LONP2: variants seen among roughly 807,000 people sequenced by gnomAD.
LONP2 encodes lon peptidase 2, peroxisomal, also known as lon protease homolog 2, peroxisomal.
Under a neutral mutation model 85.6 loss-of-function variants are expected in LONP2, and 60 were observed. The observed-to-expected ratio is 0.70, with a 90% CI of 0.57 to 0.87. The LOEUF is 0.87. Ranked by LOEUF, LONP2 falls within the 40% of genes least tolerant of loss-of-function variation. The pLI is 0.00. For synonymous variants in LONP2, 395 were observed against 389.7 expected, an observed-to-expected ratio of 1.01 and a Z score of -0.16; for missense variants, 860 against 1,063.5, an observed-to-expected ratio of 0.81 and a Z score of 2.66.
intron 11 of LONP2, among the ~76,000 whole-genome samples, chr16:48,327,289 A>G (rs1204618976): frequency 6.6e-6 from 1 of 152,234 alleles, no homozygotes; most frequent in Non-Finnish European, 1.5e-5. Context: ...TGCATAGATT[A>G]AATCAACTAG....
chr16:48,300,689 C>CT (rs11392934), intron 10 of LONP2, among the ~76,000 whole-genome samples: 26,864 of 152,162 alleles, frequency 0.18, 2,661 homozygotes, highest in Middle Eastern at 0.28. Context: ...AGCAGTAAGA[C>CT]TAAGTCTTAC....
intron 11 of LONP2, among the ~76,000 whole-genome samples, chr16:48,318,407 T>C (rs1028430576): frequency 7.9e-5 from 12 of 151,922 alleles, no homozygotes; most frequent in African/African-American, 2.7e-4. Context: ...TAGTCCCAGC[T>C]ACTTGGGAGG....
At chr16:48,323,244 A>G (rs1973302935) in intron 11 of LONP2, among the ~76,000 whole-genome samples, 1 of 152,240 alleles carries the variant, frequency 6.6e-6, no homozygotes, top group South Asian at 2.1e-4. Context: ...TAGTAAATGG[A>G]CATGAAAAGG....
chr16:48,268,778 G>A (rs1288859106), intron 6 of LONP2, among the ~76,000 whole-genome samples: 6 of 152,192 alleles, frequency 3.9e-5, no homozygotes, highest in African/African-American at 1.4e-4. Context: ...AAAATCAATA[G>A]TACTATAATT....
At chr16:48,252,071 G>A in intron 1 of LONP2, 60 bp from the exon 2 acceptor site, 1 of 1,248,978 alleles carries the variant, frequency 8.0e-7, no homozygotes, top group Non-Finnish European at 1.1e-6. Context: ...ACTTTCTGAA[G>A]TGAGTTTCTG....
At chr16:48,319,944 C>T (rs1234509141) in intron 11 of LONP2, among the ~76,000 whole-genome samples, 3 of 151,806 alleles carry the variant, frequency 2.0e-5, no homozygotes, top group Non-Finnish European at 4.4e-5. Flanking sequence ...GGGTGGGTCA[C>T]GAGGTCAGGA....
chr16:48,310,172 C>T (rs967961674), intron 11 of LONP2, among the ~76,000 whole-genome samples: 21 of 151,854 alleles, frequency 1.4e-4, no homozygotes, highest in Non-Finnish European at 2.8e-4. Flanking sequence ...ACCCCTTTAC[C>T]TTCAGTCTGT....
chr16:48,248,913 T>C (rs1195831794), intron 1 of LONP2, among the ~76,000 whole-genome samples: 6 of 151,028 alleles, frequency 4.0e-5, no homozygotes, highest in Non-Finnish European at 7.4e-5. Context: ...AAGCAAGTGC[T>C]GGGCATATAG....
At chr16:48,341,713 T>C (rs1404324081) in intron 12 of LONP2, among the ~76,000 whole-genome samples, 1 of 152,194 alleles carries the variant, frequency 6.6e-6, no homozygotes, top group Non-Finnish European at 1.5e-5. Context: ...CTTTTCAAAA[T>C]ACATAAAGTT....
intron 11 of LONP2, among the ~76,000 whole-genome samples, chr16:48,306,532 C>T (rs1972915502): frequency 6.6e-6 from 1 of 152,128 alleles, no homozygotes; most frequent in Non-Finnish European, 1.5e-5. Flanking sequence ...TTACCAAGAG[C>T]ATCTAGATGA....
At chr16:48,253,218 C>T (rs1046592505) in intron 2 of LONP2, among the ~76,000 whole-genome samples, 1 of 151,980 alleles carries the variant, frequency 6.6e-6, no homozygotes, top group African/African-American at 2.4e-5. Context: ...ACCTGTAATC[C>T]CAGCACTTTG....
intron 14 of LONP2, 72 bp downstream of exon 14, chr16:48,348,362 C>T (rs1016593192): frequency 3.0e-6 from 3 of 1,001,044 alleles, no homozygotes; most frequent in Non-Finnish European, 2.7e-6. Flanking sequence ...TTTTTAAATA[C>T]GGGTTTGCCT....
chr16:48,332,506 G>A (rs139117966), intron 11 of LONP2, among the ~76,000 whole-genome samples: 3 of 152,270 alleles, frequency 2.0e-5, no homozygotes, highest in Non-Finnish European at 4.4e-5. Context: ...GAGGTCAGGA[G>A]TTCGAGACCA....
At chr16:48,321,175 G>A (rs773408703) in intron 11 of LONP2, among the ~76,000 whole-genome samples, 25 of 152,126 alleles carry the variant, frequency 1.6e-4, no homozygotes, top group Non-Finnish European at 3.2e-4. Flanking sequence ...GTGAGCCACC[G>A]CGCCCGGCCT....
At chr16:48,244,894 C>G (rs1052539900) in intron 1 of LONP2, among the ~76,000 whole-genome samples, 1 of 152,212 alleles carries the variant, frequency 6.6e-6, no homozygotes, top group Admixed American at 6.5e-5. Flanking sequence ...CCTCTTCCCC[C>G]TCTCCGCAAT....
chr16:48,264,559 T>C (rs979554129), intron 6 of LONP2, among the ~76,000 whole-genome samples: 1 of 152,198 alleles, frequency 6.6e-6, no homozygotes, highest in Non-Finnish European at 1.5e-5. Flanking sequence ...ACACACATGC[T>C]GTACAATTTG....
intron 7 of LONP2, among the ~76,000 whole-genome samples, chr16:48,274,465 G>A (rs1972165350): frequency 6.6e-6 from 1 of 152,010 alleles, no homozygotes; most frequent in Admixed American, 6.6e-5. Context: ...CAACCCTTTA[G>A]ACGAGTACAC....
chr16:48,357,786 A>G (rs1287092754), downstream of LONP2, among the ~76,000 whole-genome samples: 1 of 152,214 alleles, frequency 6.6e-6, no homozygotes, highest in African/African-American at 2.4e-5. Context: ...AGCTATCTAC[A>G]GCCACTTACA....
At chr16:48,300,201 A>G (rs1187332057) in intron 10 of LONP2, among the ~76,000 whole-genome samples, 3 of 152,250 alleles carry the variant, frequency 2.0e-5, no homozygotes, top group African/African-American at 4.8e-5. Flanking sequence ...AAGAGGTGAT[A>G]TGCTACTTTC....
Sources: allele counts gnomAD v4.1 joint callset (sites outside exome capture counted in the v4.1 genomes callset), GRCh38; gene constraint gnomAD v4.1.1; transcripts MANE v1.5; gene names NCBI Gene and HGNC (gene_info 2026-07-23, HGNC 2026-07-21).